The following SGMS2 variants were observed in gnomAD, a reference collection of about 807,000 sequenced individuals.
SGMS2 encodes the protein sphingomyelin synthase 2, also known as phosphatidylcholine:ceramide cholinephosphotransferase 2.
A neutral mutation model predicts 43.8 loss-of-function variants in SGMS2; 21 were observed. The ratio of observed to expected loss-of-function variants is 0.48; its 90% confidence interval spans 0.34 to 0.69. The LOEUF is 0.69. Ranked by LOEUF, SGMS2 falls within the 30% of genes least tolerant of loss-of-function variation. SGMS2 has a pLI of 0.01. For synonymous variants in SGMS2, 167 were observed against 160.6 expected, an observed-to-expected ratio of 1.04 and a Z score of -0.30; for missense variants, 384 against 443.2, an observed-to-expected ratio of 0.87 and a Z score of 1.20.
chr4:107,912,441 CATTT>C lies in SGMS2; in HGVS notation c.*1892_*1895del, dbSNP rs1435087467. The C allele has an allele frequency of 6.6e-6, 1 of 152,076 alleles. No homozygotes were observed. The highest frequency in any genetic ancestry group is 1.5e-5 in the Non-Finnish European group (1 of 68,000). 9.4% of individuals were successfully genotyped at this position (152,076 alleles called of 1,614,324 possible). On this transcript the variant is annotated 3_prime_UTR_variant, in exon 7 of 7. Coordinates refer to ENST00000690982, the MANE Select transcript of SGMS2 (RefSeq NM_001375905.1). ...ATTCTATATAATGTTCGCTTATATT[CATTT>C]ATTAACTAGCAACACTTGTGCAAGA...
chr4:107,854,156 G>A (rs1424796357), intron 1 of SGMS2, among the ~76,000 whole-genome samples: 3 of 152,232 alleles, frequency 2.0e-5, no homozygotes, highest in African/African-American at 4.8e-5. Flanking sequence ...GAAAACGGCT[G>A]ATAAATCACT....
At chr4:107,854,547 T>G (rs1454602894) in intron 1 of SGMS2, among the ~76,000 whole-genome samples, 1 of 152,180 alleles carries the variant, frequency 6.6e-6, no homozygotes, top group East Asian at 1.9e-4. Context: ...TGCTTTTCAA[T>G]GCATCAGGTT....
chr4:107,885,529 A>G (rs963350486), intron 2 of SGMS2, among the ~76,000 whole-genome samples: 3 of 152,144 alleles, frequency 2.0e-5, no homozygotes, highest in Non-Finnish European at 2.9e-5. Context: ...TGCTGCTTTC[A>G]TATTCACTCC....
chr4:107,907,572 T>C (rs944344313), intron 5 of SGMS2, among the ~76,000 whole-genome samples: 2 of 152,134 alleles, frequency 1.3e-5, no homozygotes, highest in African/African-American at 4.8e-5. Context: ...GATCGTGCCA[T>C]TGAACTCCAG....
chr4:107,835,067 G>T (rs565718315), intron 1 of SGMS2, among the ~76,000 whole-genome samples: 238 of 148,192 alleles, frequency 1.6e-3, no homozygotes, highest in African/African-American at 5.1e-3. Flanking sequence ...AATAGATGGG[G>T]TTTTTTTTTT....
chr4:107,903,382 A>G lies in SGMS2; in HGVS notation c.723A>G (p.Lys241=). 6.2e-7 allele frequency: 1 copy of G among 1,613,838 alleles called. No homozygotes were observed. Among genetic ancestry groups the G allele is most frequent in the South Asian group, 1.1e-5 (1 of 91,074 alleles). The change falls in exon 5 of 7, where the codon AAA becomes AAG. Residue 241 remains lysine (K), a synonymous_variant. Coordinates refer to ENST00000690982, the MANE Select transcript of SGMS2 (RefSeq NM_001375905.1). Reference sequence around the variant, plus strand: ...TGACACTGACTTATTTGTTCATCAAAGAATGTAAGTAATAGCCCATTCCCA... The same window carrying G: ...TGACACTGACTTATTTGTTCATCAAGGAATGTAAGTAATAGCCCATTCCCA... The part of the protein sequence containing the change: ...VTLTLTYLFI[K]EYSPRHFWWY...
At chr4:107,875,151 C>T (rs762455781) in intron 2 of SGMS2, among the ~76,000 whole-genome samples, 18 of 152,124 alleles carry the variant, frequency 1.2e-4, no homozygotes, top group Non-Finnish European at 1.6e-4. Flanking sequence ...CATGCAAAAG[C>T]AACTCTGGAA....
At chr4:107,891,803 G>C in intron 2 of SGMS2, among the ~76,000 whole-genome samples, 1 of 152,032 alleles carries the variant, frequency 6.6e-6, no homozygotes, top group Non-Finnish European at 1.5e-5. Flanking sequence ...TATGCAAATG[G>C]ATTATCTTCC....
At chr4:107,906,318 G>A (rs1259090753) in intron 5 of SGMS2, among the ~76,000 whole-genome samples, 4 of 152,150 alleles carry the variant, frequency 2.6e-5, no homozygotes, top group Non-Finnish European at 4.4e-5. Context: ...GGACCATTTC[G>A]GGGTTAGCAA....
intron 2 of SGMS2, among the ~76,000 whole-genome samples, chr4:107,863,304 T>C (rs1727874038): frequency 6.6e-6 from 1 of 152,188 alleles, no homozygotes; most frequent in African/African-American, 2.4e-5. Flanking sequence ...GTGGTAATGG[T>C]GACTACCCTA....
intron 3 of SGMS2, among the ~76,000 whole-genome samples, chr4:107,897,430 A>T (rs1225445119): frequency 6.6e-6 from 1 of 152,222 alleles, no homozygotes; most frequent in Non-Finnish European, 1.5e-5. Context: ...CTGGAAATTA[A>T]CACAATGTAA....
chr4:107,867,801 TA>T (rs1311659560), intron 2 of SGMS2: 7 of 152,210 alleles, frequency 4.6e-5, no homozygotes, highest in African/African-American at 1.7e-4. Context: ...TATATAAATT[TA>T]TTTTTTTTAT....
chr4:107,828,461 C>G (rs1245925980), intron 1 of SGMS2, among the ~76,000 whole-genome samples: 1 of 152,194 alleles, frequency 6.6e-6, no homozygotes, highest in Non-Finnish European at 1.5e-5. Flanking sequence ...TTCCAACTTA[C>G]GTTTTCTCTC....
chr4:107,904,523 C>T (rs1475953403), intron 5 of SGMS2, among the ~76,000 whole-genome samples: 2 of 152,186 alleles, frequency 1.3e-5, no homozygotes, highest in Admixed American at 6.5e-5. Context: ...TTGAGGTTCT[C>T]TGTAGTAGAT....
chr4:107,839,324 C>G (rs944729037), intron 1 of SGMS2, among the ~76,000 whole-genome samples: 1 of 152,036 alleles, frequency 6.6e-6, no homozygotes, highest in Non-Finnish European at 1.5e-5. Context: ...TTAACAACTT[C>G]CCCCTGCTCC....
Position 107,910,361 on chromosome 4 carries a change from C to G in SGMS2, c.906C>G (p.Val302=), listed in dbSNP as rs370963195. Residue 302 remains valine, a synonymous_variant, in exon 7 of 7, where the codon GTC becomes GTG. Coordinates refer to ENST00000690982, the MANE Select transcript of SGMS2 (RefSeq NM_001375905.1). ...HSMANEKNLK[V]SSQTNFLSRA... ...TCTACCATTTACAGAACTTGAAGGT[C>G]TCTTCACAGACTAATTTCTTATCTC... 2 of 1,613,882 alleles carry G rather than the reference C, an allele frequency of 1.2e-6. No homozygotes were observed. The highest frequency in any genetic ancestry group is 1.1e-5 in the South Asian group (1 of 91,066).
chr4:107,874,110 A>T (rs967089740), intron 2 of SGMS2: 8 of 152,164 alleles, frequency 5.3e-5, no homozygotes, highest in Non-Finnish European at 7.4e-5. Flanking sequence ...ACAAAATAAG[A>T]GCTGTATACT....
intron 1 of SGMS2, among the ~76,000 whole-genome samples, chr4:107,850,504 G>T (rs1403635701): frequency 6.6e-6 from 1 of 152,122 alleles, no homozygotes; most frequent in African/African-American, 2.4e-5. Flanking sequence ...AACCTCAGAG[G>T]TTCTCTTTCT....
chr4:107,886,483 A>T (rs1252407661), intron 2 of SGMS2, among the ~76,000 whole-genome samples: 1 of 150,266 alleles, frequency 6.7e-6, no homozygotes, highest in East Asian at 2.0e-4. Context: ...CAAAGTACTG[A>T]AATTACAGGT....
Sources: allele counts gnomAD v4.1 joint callset (sites outside exome capture counted in the v4.1 genomes callset), GRCh38; gene constraint gnomAD v4.1.1; transcripts MANE v1.5; gene names NCBI Gene and HGNC (gene_info 2026-07-23, HGNC 2026-07-21).